The following CCDC149 variants were observed in gnomAD, a reference collection of about 807,000 sequenced individuals.
The protein encoded by CCDC149 is coiled-coil domain containing 149.
In CCDC149, 45 loss-of-function variants were observed where a neutral mutation model predicts 59.9. The observed-to-expected ratio is 0.75, with a 90% CI of 0.59 to 0.96. The LOEUF is 0.96. Ranked by LOEUF, CCDC149 falls within the 40% of genes least tolerant of loss-of-function variation. The pLI, the probability that CCDC149 is intolerant of heterozygous loss-of-function variation, is 0.00. For synonymous variants in CCDC149, 245 were observed against 260.6 expected, an observed-to-expected ratio of 0.94 and a Z score of 0.58; for missense variants, 584 against 664.7, an observed-to-expected ratio of 0.88 and a Z score of 1.33.
In CCDC149 at chr4:24,956,072, GC is replaced by G. The variant is rs1410842707; in HGVS notation, c.-65+23996del. Among the ~76,000 whole-genome samples the G allele has an allele frequency of 2.0e-5, 3 of 152,218 alleles. No individual in the cohort carries two copies. In the East Asian group the frequency reaches 5.8e-4, roughly 29 times the overall value. On this transcript the variant is annotated intron_variant, in intron 1 of 12. Transcript: ENST00000389609. ...TAGCGGTGGTTCTGAAATAATTGGA[GC>G]CCAATTGTTAGACTACTGAGAGGCA... is the stretch of plus-strand genomic sequence containing the variant.
chr4:24,886,684 G>C (rs1249000147), intron 1 of CCDC149, among the ~76,000 whole-genome samples: 1 of 152,066 alleles, frequency 6.6e-6, no homozygotes, highest in Non-Finnish European at 1.5e-5. Context: ...AATAAATGGT[G>C]ATCATTCAAT....
At chr4:24,935,943 A>C (rs1475274220) in intron 1 of CCDC149, among the ~76,000 whole-genome samples, 1 of 152,152 alleles carries the variant, frequency 6.6e-6, no homozygotes, top group Non-Finnish European at 1.5e-5. Flanking sequence ...AGAGACAAAA[A>C]AGAGGTGGTC....
chr4:24,821,266 G>GA (rs537302468), intron 10 of CCDC149, among the ~76,000 whole-genome samples, 179 bp from the exon 11 acceptor site: 2,077 of 143,416 alleles, frequency 0.014, 35 homozygotes, highest in African/African-American at 0.043. Context: ...ACTCATTTGA[G>GA]AAAAAAAAAA....
chr4:24,910,234 C>T (rs779523622), intron 1 of CCDC149, among the ~76,000 whole-genome samples: 1 of 152,176 alleles, frequency 6.6e-6, no homozygotes, highest in South Asian at 2.1e-4. Context: ...CATGCATCTC[C>T]GTCTTCCCAT....
intron 1 of CCDC149, among the ~76,000 whole-genome samples, chr4:24,964,277 T>A (rs1462881066): frequency 1.3e-5 from 2 of 151,122 alleles, no homozygotes; most frequent in Non-Finnish European, 2.9e-5. Context: ...CTGTATGGCC[T>A]CAGTAGTAGA....
Position 24,962,361 on chromosome 4 carries a change from T to C in CCDC149, c.-65+17708A>G, listed in dbSNP as rs998411107. 5.9e-5 allele frequency among the ~76,000 whole-genome samples: 9 copies of C among 152,278 alleles called. No homozygotes were observed. In the East Asian group the frequency reaches 9.7e-4, roughly 16 times the overall value. On this transcript the variant is annotated intron_variant, in intron 1 of 12. Transcript: ENST00000389609. ...AATAGGAACACTTTTACACTGTTGG[T>C]GGGACTGTAAACTAGTTCAACCATT...
chr4:24,908,720 C>A lies in CCDC149; in HGVS notation c.63+4097G>T, dbSNP rs534365608. On this transcript the variant is annotated intron_variant, in intron 1 of 12. Coordinates refer to ENST00000635206, the MANE Select transcript of CCDC149 (RefSeq NM_001330643.2). ...ATCTCTAAAACAACAACGACAAAAA[C>A]CAAAAATCAGTCTCTACTTTGGGCG... 2.3e-4 allele frequency among the ~76,000 whole-genome samples: 35 copies of A among 152,216 alleles called. No homozygotes were observed. In the East Asian group the frequency reaches 6.8e-3, roughly 29 times the overall value.
At chr4:24,979,646 T>C (rs1724378821) in intron 1 of CCDC149, among the ~76,000 whole-genome samples, 1 of 152,206 alleles carries the variant, frequency 6.6e-6, no homozygotes, top group South Asian at 2.1e-4. Flanking sequence ...GGTTTCAAAA[T>C]CAGGAAACAG....
chr4:24,938,479 A>G (rs9291465), intron 1 of CCDC149, among the ~76,000 whole-genome samples: 67,928 of 152,044 alleles, frequency 0.45, 18,205 homozygotes, highest in African/African-American at 0.76. Context: ...TAAGCGATGC[A>G]GAAGACAGGT....
At chr4:24,836,957 C>G (rs1716576349) in intron 6 of CCDC149, among the ~76,000 whole-genome samples, 1 of 152,144 alleles carries the variant, frequency 6.6e-6, no homozygotes, top group Non-Finnish European at 1.5e-5. Flanking sequence ...TAACAAGCAA[C>G]TCTCATGGGT....
chr4:24,828,176 C>T (rs990538218), intron 9 of CCDC149: 5 of 150,768 alleles, frequency 3.3e-5, no homozygotes, highest in Non-Finnish European at 5.9e-5. Context: ...TGTACTGATG[C>T]GAAGCAATCT....
chr4:24,939,986 G>A (rs1194874195), intron 1 of CCDC149, among the ~76,000 whole-genome samples: 4 of 152,228 alleles, frequency 2.6e-5, no homozygotes, highest in Non-Finnish European at 5.9e-5. Context: ...ATATTATCCA[G>A]GAGAACTTCC....
At chr4:24,941,977 G>A (rs1448264780) in intron 1 of CCDC149, among the ~76,000 whole-genome samples, 1 of 152,274 alleles carries the variant, frequency 6.6e-6, no homozygotes, top group African/African-American at 2.4e-5. Context: ...ACAAGTAGGA[G>A]CTGGTACCAT....
At chr4:24,835,928 GACTA>G (rs1312919737) in intron 7 of CCDC149, among the ~76,000 whole-genome samples, 6 of 152,160 alleles carry the variant, frequency 3.9e-5, no homozygotes, top group Non-Finnish European at 5.9e-5. Flanking sequence ...GCTGGAATTA[GACTA>G]ACTAACAGTG....
intron 12 of CCDC149, among the ~76,000 whole-genome samples, chr4:24,819,228 A>G (rs748902145): frequency 7.9e-5 from 12 of 152,252 alleles, no homozygotes; most frequent in Non-Finnish European, 1.6e-4. Context: ...TTTAAAGGAA[A>G]GGAAACTGAG....
At chr4:24,877,201 T>G (rs1719517278) in intron 1 of CCDC149, among the ~76,000 whole-genome samples, 2 of 151,030 alleles carry the variant, frequency 1.3e-5, no homozygotes, top group Admixed American at 1.3e-4. Flanking sequence ...TTGTTTGTTT[T>G]TTGAGACGGA....
chr4:24,836,028 C>G (rs899409916), intron 7 of CCDC149, among the ~76,000 whole-genome samples: 5 of 152,334 alleles, frequency 3.3e-5, no homozygotes, highest in African/African-American at 1.2e-4. Context: ...TTCTTCATCA[C>G]TCGGAAACCA....
Position 24,881,828 on chromosome 4 carries a change from T to C in CCDC149, c.64-5131A>G, listed in dbSNP as rs148884368. 1.5e-4 allele frequency among the ~76,000 whole-genome samples: 23 copies of C among 152,282 alleles called. No individual in the cohort carries two copies. The East Asian group carries it at 4.4e-3, about 29-fold the overall frequency. The stretch of plus-strand genomic sequence containing the variant: ...TAATCCTCAGGACAATGCAATGAAG[T>C]TACTGTGCTATCATCTGCATTTTAT... On this transcript the variant is annotated intron_variant, in intron 1 of 12. Transcript: ENST00000635206.
At chr4:24,973,727 G>A (rs1259185563) in intron 1 of CCDC149, among the ~76,000 whole-genome samples, 1 of 152,232 alleles carries the variant, frequency 6.6e-6, no homozygotes, top group African/African-American at 2.4e-5. Flanking sequence ...GTGTGTGTGA[G>A]TGTATGATTA....
Sources: gnomAD v4.1 joint callset for allele counts (sites outside exome capture counted in the v4.1 genomes callset) on GRCh38, gnomAD v4.1.1 for gene constraint, MANE v1.5 for transcripts, NCBI Gene and HGNC (gene_info 2026-07-23, HGNC 2026-07-21) for gene names.